Variants in IQGAP1 observed in about 807,000 individuals in gnomAD.
The protein encoded by IQGAP1 is IQ motif containing GTPase activating protein 1.
In IQGAP1, 66 loss-of-function variants were observed where a neutral mutation model predicts 215.6. The ratio of observed to expected loss-of-function variants is 0.31; its 90% confidence interval spans 0.25 to 0.38. The LOEUF is 0.38. Among genes scored for constraint, IQGAP1 ranks in the 10% least tolerant of loss-of-function variants. The pLI, the probability that IQGAP1 is intolerant of heterozygous loss-of-function variation, is 1.00. For missense variants in IQGAP1, 1,712 were observed against 1,997.1 expected, an observed-to-expected ratio of 0.86 and a Z score of 2.72; for synonymous variants, 772 against 728.7, an observed-to-expected ratio of 1.06 and a Z score of -0.96.
At position 90,501,634 on chromosome 15, in the gene IQGAP1, C is replaced by T. The variant is rs1966343089; in HGVS notation, c.*1526C>T. ...CTTTACTCAGGTGCATGGTTACAGC[C>T]CACAGGGAGGCATGGAGTGCCATGG... On this transcript the variant is annotated 3_prime_UTR_variant, in exon 38 of 38. Coordinates refer to ENST00000268182, the MANE Select transcript of IQGAP1 (RefSeq NM_003870.4). The T allele has an allele frequency of 6.6e-6, 1 of 152,150 alleles. No individual in the cohort carries two copies. Among genetic ancestry groups the T allele is most frequent in the South Asian group, 2.1e-4 (1 of 4,832 alleles). 9.4% of individuals were successfully genotyped at this position (152,150 alleles called of 1,614,324 possible).
intron 13 of IQGAP1, 86 bp downstream of exon 13, chr15:90,453,378 G>T: frequency 2.9e-6 from 3 of 1,022,714 alleles, no homozygotes; most frequent in South Asian, 3.4e-5. Flanking sequence ...TTTCTTTGCA[G>T]GCATTATTAC....
chr15:90,474,260 A>G, intron 22 of IQGAP1, 127 bp downstream of exon 22: 1 of 886,018 alleles, frequency 1.1e-6, no homozygotes, highest in Non-Finnish European at 1.7e-6. Context: ...GACCTGTGAC[A>G]TAAGCCCCTT....
intron 36 of IQGAP1, 112 bp downstream of exon 36, chr15:90,494,947 T>C: frequency 5.7e-6 from 4 of 696,120 alleles, no homozygotes; most frequent in South Asian, 5.5e-5. Flanking sequence ...GTATTTTTTA[T>C]GTATTTATAT....
At chr15:90,416,910 C>G (rs1596256284) in intron 2 of IQGAP1, among the ~76,000 whole-genome samples, 1 of 152,202 alleles carries the variant, frequency 6.6e-6, no homozygotes, top group South Asian at 2.1e-4. Context: ...ACTATTCTAA[C>G]TGGTGTGAGA....
chr15:90,403,721 T>C (rs886099921), intron 2 of IQGAP1, among the ~76,000 whole-genome samples: 6 of 152,246 alleles, frequency 3.9e-5, no homozygotes, highest in African/African-American at 1.4e-4. Context: ...TTGCCCAGGC[T>C]GGAGTGCAGT....
chr15:90,398,784 C>G (rs1162516497), intron 2 of IQGAP1, among the ~76,000 whole-genome samples: 1 of 152,236 alleles, frequency 6.6e-6, no homozygotes. Context: ...AGGTGGATCA[C>G]TTGATGCCAG....
At chr15:90,496,276 A>ACT (rs934432431) in intron 36 of IQGAP1, among the ~76,000 whole-genome samples, 11 of 136,448 alleles carry the variant, frequency 8.1e-5, no homozygotes, top group African/African-American at 1.1e-4. Flanking sequence ...GGGGTGCTAT[A>ACT]CTTTGATCAT....
At chr15:90,449,922 T>C (rs532563911) in intron 11 of IQGAP1, among the ~76,000 whole-genome samples, 1 of 152,346 alleles carries the variant, frequency 6.6e-6, no homozygotes, top group East Asian at 1.9e-4. Context: ...TATGATATTT[T>C]GATACATGCA....
intron 18 of IQGAP1, among the ~76,000 whole-genome samples, chr15:90,472,219 G>A (rs1403016467): frequency 1.3e-5 from 2 of 152,178 alleles, no homozygotes; most frequent in Non-Finnish European, 1.5e-5. Context: ...AGGCTGCAGC[G>A]AGCTGAGATT....
At chr15:90,443,220 C>T (rs938386907) in intron 8 of IQGAP1, among the ~76,000 whole-genome samples, 174 bp from the exon 9 acceptor site, 4 of 152,148 alleles carry the variant, frequency 2.6e-5, no homozygotes, top group African/African-American at 2.4e-5. Flanking sequence ...CTTGGCCTTC[C>T]AAAGCACTGG....
intron 2 of IQGAP1, among the ~76,000 whole-genome samples, chr15:90,425,241 C>T (rs760619347): frequency 1.3e-5 from 2 of 151,968 alleles, no homozygotes; most frequent in East Asian, 3.9e-4. Flanking sequence ...ACCCGGGAGG[C>T]GGAGGTTGCA....
At chr15:90,405,126 C>CT (rs1288190030) in intron 2 of IQGAP1, among the ~76,000 whole-genome samples, 3 of 152,060 alleles carry the variant, frequency 2.0e-5, no homozygotes, top group Admixed American at 6.6e-5. Context: ...ATAGATCCTG[C>CT]TTTTTTGACT....
chr15:90,400,929 A>G (rs545835353), intron 2 of IQGAP1, among the ~76,000 whole-genome samples: 4 of 152,290 alleles, frequency 2.6e-5, no homozygotes, highest in Admixed American at 2.0e-4. Flanking sequence ...GCCTTGTGGT[A>G]TCTGATGGAC....
chr15:90,441,484 G>T (rs1041562797), intron 7 of IQGAP1, 22 bp from the exon 8 acceptor site: 71 of 1,581,968 alleles, frequency 4.5e-5, no homozygotes, highest in Admixed American at 1.8e-4. Flanking sequence ...TTGTTGGTTT[G>T]TTTTTTTGTT....
chr15:90,489,224 G>T (rs1328408979), intron 33 of IQGAP1, among the ~76,000 whole-genome samples: 1 of 151,478 alleles, frequency 6.6e-6, no homozygotes, highest in Non-Finnish European at 1.5e-5. Flanking sequence ...CGCCTCCTGG[G>T]TTCAAGCGAT....
In IQGAP1 at chr15:90,466,862, C is replaced by T. The variant is rs374112445; in HGVS notation, c.2035+426C>T. Among the ~76,000 whole-genome samples the T allele has an allele frequency of 5.9e-5, 9 of 152,302 alleles. No homozygotes were observed. The East Asian group carries it at 7.7e-4, about 13-fold the overall frequency. ...ATCCCAGCACTTTGGGAGGCTGAGG[C>T]GGGCAGATCGCCTGAGGTCAGGAGT... On this transcript the variant is annotated intron_variant, in intron 17 of 37. Coordinates refer to ENST00000268182, the MANE Select transcript of IQGAP1 (RefSeq NM_003870.4).
intron 9 of IQGAP1, among the ~76,000 whole-genome samples, chr15:90,445,152 A>T (rs6496676): frequency 0.37 from 56,130 of 150,230 alleles, 11,156 homozygotes; most frequent in African/African-American, 0.53. Context: ...TTTTTTTTTT[A>T]AAAAAGAATC....
chr15:90,487,935 G>A (rs945436071), intron 33 of IQGAP1, among the ~76,000 whole-genome samples: 1 of 152,128 alleles, frequency 6.6e-6, no homozygotes, highest in African/African-American at 2.4e-5. Flanking sequence ...AAATGGTGTA[G>A]TATTTGGCCG....
intron 16 of IQGAP1, 67 bp downstream of exon 16, chr15:90,466,158 G>T: frequency 1.3e-6 from 2 of 1,577,238 alleles, no homozygotes; most frequent in South Asian, 2.2e-5. Flanking sequence ...CGTACAGCTT[G>T]ACCAAGATAG....
Sources: gnomAD v4.1 joint callset for allele counts (sites outside exome capture counted in the v4.1 genomes callset) on GRCh38, gnomAD v4.1.1 for gene constraint, MANE v1.5 for transcripts, NCBI Gene and HGNC (gene_info 2026-07-23, HGNC 2026-07-21) for gene names.